RHOBTB2: variants seen among roughly 807,000 people sequenced by gnomAD.
RHOBTB2 encodes the protein rho-related BTB domain-containing protein 2.
RHOBTB2 carries 39 observed loss-of-function variants against 66.5 expected under a neutral mutation model. The ratio of observed to expected loss-of-function variants is 0.59; its 90% confidence interval spans 0.45 to 0.77. The LOEUF is 0.77. RHOBTB2 is among the 30% of genes least tolerant of loss of function. The probability of loss-of-function intolerance (pLI) is 0.00; values close to 1 mark genes in which losing one functional copy is unlikely to be tolerated. For missense variants in RHOBTB2, 755 were observed against 999.1 expected, an observed-to-expected ratio of 0.76 and a Z score of 3.29; for synonymous variants, 390 against 395.0, an observed-to-expected ratio of 0.99 and a Z score of 0.15.
At chr8:22,958,700 C>T in the RHOBTB2 span, among the ~76,000 whole-genome samples, 4 of 140,780 alleles carry the variant, frequency 2.8e-5, no homozygotes, top group Admixed American at 2.3e-4. Context: ...ACATGGGAGG[C>T]TGAGGTGGGG....
intron 3 of RHOBTB2, 52 bp downstream of exon 3, chr8:23,005,527 C>T (rs1259393827): frequency 2.5e-6 from 3 of 1,207,830 alleles, no homozygotes; most frequent in Non-Finnish European, 3.7e-6. Context: ...GGGTTTTTCC[C>T]TGCTTTTCCC....
intron 7 of RHOBTB2, among the ~76,000 whole-genome samples, chr8:23,012,944 C>G (rs549942648): frequency 1.3e-5 from 2 of 152,096 alleles, no homozygotes; most frequent in Non-Finnish European, 2.9e-5. Context: ...GCTGGGACTA[C>G]AGGCATACAC....
At chr8:22,986,859 C>T (rs1253138429), upstream of RHOBTB2, among the ~76,000 whole-genome samples, 2 of 152,208 alleles carry the variant, frequency 1.3e-5, no homozygotes, top group African/African-American at 2.4e-5. Context: ...GCTGGCCAGC[C>T]CCGGATGTCC....
At chr8:22,991,967 T>A in intron 1 of RHOBTB2, 1 of 152,258 alleles carries the variant, frequency 6.6e-6, no homozygotes, top group East Asian at 1.9e-4. Flanking sequence ...ACAGATCCTG[T>A]ACCCCTAGTC....
chr8:22,952,970 C>G, the RHOBTB2 span, among the ~76,000 whole-genome samples: 2 of 152,212 alleles, frequency 1.3e-5, no homozygotes, highest in South Asian at 4.1e-4. Context: ...ACCAAGTGGG[C>G]TACTTGAGAG....
rs116246618 is a variant in RHOBTB2, at chr8:23,006,621, T to A, written c.483-107T>A. The A allele has an allele frequency of 1.1e-3, 1,248 of 1,087,848 alleles. 15 individuals are homozygous for A. In the African/African-American group the frequency reaches 0.018, roughly 15 times the overall value. 67.4% of individuals were successfully genotyped at this position (1,087,848 alleles called of 1,614,324 possible). ...CCAGACAGAGCAGGGCAGGAGTGGGTGGGGATTGGCACCCAGATCCTGAGC... is the reference window on the plus strand; with the variant it reads ...CCAGACAGAGCAGGGCAGGAGTGGGAGGGGATTGGCACCCAGATCCTGAGC... On this transcript the variant is annotated intron_variant, in intron 4 of 9. Coordinates refer to ENST00000251822, the MANE Select transcript of RHOBTB2 (RefSeq NM_015178.3). The surrounding 1 kb of genome is among the most constrained non-coding windows in gnomAD (Gnocchi z 6.1).
chr8:22,967,415 C>T, the RHOBTB2 span, among the ~76,000 whole-genome samples: 1 of 151,552 alleles, frequency 6.6e-6, no homozygotes, highest in Non-Finnish European at 1.5e-5. Context: ...TCAAGACCAT[C>T]CCGGCCAACA....
At chr8:22,965,797 G>GT in the RHOBTB2 span, among the ~76,000 whole-genome samples, 3 of 152,206 alleles carry the variant, frequency 2.0e-5, no homozygotes, top group African/African-American at 7.2e-5. Flanking sequence ...AGGTCTAATT[G>GT]TAAGAGCTAG....
Position 22,999,572 on chromosome 8 carries a change from G to C in RHOBTB2, c.-544G>C. The C allele has an allele frequency of 1.6e-6, 2 of 1,216,432 alleles. No individual in the cohort carries two copies. Among genetic ancestry groups the C allele is most frequent in the South Asian group, 2.8e-5 (2 of 71,804 alleles). 75.4% of individuals were successfully genotyped at this position (1,216,432 alleles called of 1,614,324 possible). A position where few individuals can be genotyped will look rare whatever the true frequency, so the allele number is the denominator to read the frequency against. On this transcript the variant is annotated 5_prime_UTR_variant, in exon 1 of 10. Coordinates refer to ENST00000251822, the MANE Select transcript of RHOBTB2 (RefSeq NM_015178.3). ...CGGGGCCCGTCACGGCTGTCGTCTT[G>C]GGTGCGATTTTTTTCTCCTCCTTTT...
chr8:22,973,201 CTGCT>C, the RHOBTB2 span, among the ~76,000 whole-genome samples: 1 of 152,122 alleles, frequency 6.6e-6, no homozygotes, highest in African/African-American at 2.4e-5. Context: ...CTCTAACCGC[CTGCT>C]TATTTTTCTT....
At chr8:22,996,704 G>A (rs1810577477), upstream of RHOBTB2, among the ~76,000 whole-genome samples, 1 of 152,064 alleles carries the variant, frequency 6.6e-6, no homozygotes, top group South Asian at 2.1e-4. Context: ...TGGGGTGGGA[G>A]GGCGCAGTGA....
At chr8:22,988,737 G>C (rs936917777) in intron 1 of RHOBTB2, among the ~76,000 whole-genome samples, 2 of 152,160 alleles carry the variant, frequency 1.3e-5, no homozygotes, top group African/African-American at 4.8e-5. Flanking sequence ...ACCCAGCCAG[G>C]CTGCTGTCAC....
rs75943787 is a variant in RHOBTB2 at position 23,017,118 on chromosome 8, C to T, written c.1967-134C>T. 30,639 of 1,152,468 alleles carry T rather than the reference C, an allele frequency of 0.027. 616 individuals are homozygous for T. The highest frequency in any genetic ancestry group is 0.03 in the Non-Finnish European group (24,054 of 798,358). 71.4% of individuals were successfully genotyped at this position (1,152,468 alleles called of 1,614,324 possible). A position where few individuals can be genotyped will look rare whatever the true frequency, so the allele number is the denominator to read the frequency against. ...TTGCTTGCCTCGGAGGCTCATGTGC[C>T]GTGGGTCATGGGGATGTGCTGGGGG... On this transcript the variant is annotated intron_variant, in intron 9 of 9. Transcript: ENST00000251822. This position sits in a 1 kb window ranked among gnomAD's most constrained non-coding sequence, Gnocchi z 5.3.
At chr8:22,972,133 C>T in the RHOBTB2 span, among the ~76,000 whole-genome samples, 1 of 152,218 alleles carries the variant, frequency 6.6e-6, no homozygotes, top group Non-Finnish European at 1.5e-5. Flanking sequence ...TCTCCCTCTT[C>T]CTCGCATTCC....
chr8:22,991,276 T>C (rs1164506894), intron 1 of RHOBTB2, among the ~76,000 whole-genome samples: 1 of 152,168 alleles, frequency 6.6e-6, no homozygotes, highest in African/African-American at 2.4e-5. Flanking sequence ...CAGCCTTGTA[T>C]ACTTCCCACC....
chr8:22,960,974 T>C, the RHOBTB2 span, among the ~76,000 whole-genome samples: 4 of 152,216 alleles, frequency 2.6e-5, no homozygotes, highest in African/African-American at 7.2e-5. Flanking sequence ...CTTGTAACCA[T>C]GGAGACTGTA....
At chr8:23,012,663 G>A (rs1369119686) in intron 7 of RHOBTB2, among the ~76,000 whole-genome samples, 1 of 152,164 alleles carries the variant, frequency 6.6e-6, no homozygotes, top group East Asian at 1.9e-4. Context: ...CTGTCACGCA[G>A]ACTGGAGTGC....
chr8:23,013,865 G>A (rs1206244349), intron 7 of RHOBTB2, among the ~76,000 whole-genome samples: 1 of 152,176 alleles, frequency 6.6e-6, no homozygotes, highest in Non-Finnish European at 1.5e-5. Context: ...TCAGTTAATT[G>A]CAGTTATCCT....
upstream of RHOBTB2, among the ~76,000 whole-genome samples, chr8:22,996,147 C>A (rs78201266): frequency 6.6e-6 from 1 of 152,040 alleles, no homozygotes; most frequent in Non-Finnish European, 1.5e-5. Context: ...ACAGCAGCCG[C>A]GTGATGGCCT....
Sources: gnomAD v4.1 joint callset for allele counts (sites outside exome capture counted in the v4.1 genomes callset) on GRCh38, gnomAD v4.1.1 for gene constraint, Gnocchi (gnomAD v3.1) non-coding constraint, MANE v1.5 for transcripts, NCBI Gene and HGNC (gene_info 2026-07-23, HGNC 2026-07-21) for gene names.